NPAS4: variants seen among roughly 807,000 people sequenced by gnomAD.
The protein encoded by NPAS4 is neuronal PAS domain-containing protein 4.
In NPAS4, 10 loss-of-function variants were observed where a neutral mutation model predicts 64.0. The ratio of observed to expected loss-of-function variants is 0.16; its 90% CI spans 0.10 to 0.26. The LOEUF is 0.26. Among genes scored for constraint, NPAS4 ranks in the 10% least tolerant of loss-of-function variants. NPAS4 has a pLI of 1.00. For synonymous variants in NPAS4, 441 were observed against 411.7 expected (o/e 1.07, Z -0.86); for missense variants, 886 against 992.6 (o/e 0.89, Z 1.44).
At chr11:66,415,852 G>A in the NPAS4 span, among the ~76,000 whole-genome samples, 1 of 152,210 alleles carries the variant, frequency 6.6e-6, no homozygotes, top group Non-Finnish European at 1.5e-5. Flanking sequence ...GCTGGGTGTC[G>A]TGGCTCACAC....
In NPAS4 at chr11:66,426,146, G is replaced by GGGGC; in HGVS notation, c.*157_*158insGGGC. ...CAGGATTTTGGGGGGGGGGAGGTGG[G>GGGGC]AGGGCAAGGGAGGGGAGCTTCTTTT... On this transcript the variant is annotated 3_prime_UTR_variant, in exon 8 of 8. Transcript: ENST00000311034. 2.8e-6 allele frequency: 1 copy of GGGGC among 359,464 alleles called. No individual in the cohort carries two copies. The allele number at this position is 359,464 out of a possible 1,614,324, so 22.3% of individuals were successfully genotyped here. A position where few individuals can be genotyped will look rare whatever the true frequency, so the allele number is the denominator to read the frequency against.
intron 1 of NPAS4, 147 bp downstream of exon 1, chr11:66,421,501 C>G: frequency 1.5e-6 from 1 of 674,296 alleles, no homozygotes. Context: ...GGACTTTCTA[C>G]TTTTCCTCCT....
chr11:66,423,030 GT>G lies in NPAS4; in HGVS notation c.699-90del. 2.0e-6 allele frequency: 3 copies of G among 1,524,274 alleles called. No homozygotes were observed. The South Asian group carries it at 3.5e-5, about 18-fold the overall frequency. 94.4% of individuals were successfully genotyped at this position (1,524,274 alleles called of 1,614,324 possible). A position where few individuals can be genotyped will look rare whatever the true frequency, so the allele number is the denominator to read the frequency against. ...TGGAGTCAGGGGCAGGGAGGATGGG[GT>G]TTAGGGGGGCAGAGGATCTGGGAGG... On this transcript the variant is annotated intron_variant, in intron 4 of 7. Transcript: ENST00000311034.
intron 7 of NPAS4, among the ~76,000 whole-genome samples, chr11:66,425,742 A>T (rs1856830651): frequency 6.6e-6 from 1 of 152,178 alleles, no homozygotes; most frequent in Admixed American, 6.6e-5. Context: ...GACTCCATTG[A>T]GGTAGCTCCC....
At chr11:66,422,030 T>A (rs1856752150) in intron 1 of NPAS4, 90 bp from the exon 2 acceptor site, 2 of 1,212,738 alleles carry the variant, frequency 1.6e-6, no homozygotes, top group East Asian at 4.7e-5. Context: ...GAAATTCCTC[T>A]GGATTCTCTG....
chr11:66,417,480 C>T (rs545962923), upstream of NPAS4, among the ~76,000 whole-genome samples: 89 of 152,236 alleles, frequency 5.8e-4, 1 homozygote, highest in African/African-American at 2.1e-3. Context: ...GGGCTCCTTT[C>T]CTCCATGTTT....
rs1325113285 is a variant in NPAS4 at position 66,422,732 on chromosome 11, C to A, written c.489C>A (p.Gly163=). 2.5e-6 allele frequency: 4 copies of A among 1,614,084 alleles called. No individual in the cohort carries two copies. In the South Asian group the frequency reaches 4.4e-5, roughly 18 times the overall value. ...AGTCCCTCAGGCGCCAGAGTGCAGG[C>A]AACAAACTCGTGCTTATTCGAGGCC... ...TSKSLRRQSA[G]NKLVLIRGRF... Residue 163 remains glycine (G), a synonymous_variant, in exon 4 of 8, where the codon GGC becomes GGA. Transcript: ENST00000311034.
chr11:66,423,003 T>C, intron 4 of NPAS4, 62 bp downstream of exon 4: 22 of 1,573,470 alleles, frequency 1.4e-5, no homozygotes, highest in Non-Finnish European at 1.9e-5. Context: ...GACCCTAGAT[T>C]CTGGAGTCAG....
chr11:66,421,480 C>CG, intron 1 of NPAS4, 126 bp downstream of exon 1: 1 of 750,920 alleles, frequency 1.3e-6, no homozygotes, highest in Non-Finnish European at 2.2e-6. Flanking sequence ...ATTCGGGACT[C>CG]GGGAGATTCG....
chr11:66,422,380 A>G, intron 2 of NPAS4, 71 bp from the exon 3 acceptor site: 1 of 1,478,688 alleles, frequency 6.8e-7, no homozygotes, highest in South Asian at 1.1e-5. Flanking sequence ...TATACCCTAC[A>G]AGATACTGTA....
chr11:66,414,114 C>T, the NPAS4 span, among the ~76,000 whole-genome samples: 13 of 152,198 alleles, frequency 8.5e-5, no homozygotes, highest in South Asian at 1.2e-3. Flanking sequence ...GTGCAGAGTG[C>T]GGTGACGAGG....
At chr11:66,411,879 T>C in the NPAS4 span, among the ~76,000 whole-genome samples, 1 of 152,206 alleles carries the variant, frequency 6.6e-6, no homozygotes, top group African/African-American at 2.4e-5. Context: ...GACTGTTCCC[T>C]GTAGATTTCC....
rs1315695865 is a variant in NPAS4 at position 66,422,916 on chromosome 11, C to A, written c.673C>A (p.Leu225Met). 2 of 1,606,440 alleles carry A rather than the reference C, an allele frequency of 1.2e-6. No individual in the cohort carries two copies. Among genetic ancestry groups the A allele is most frequent in the Non-Finnish European group, 1.7e-6 (2 of 1,179,980 alleles). Residue 225 changes from leucine to methionine, a missense_variant, in exon 4 of 8, where the codon CTG (leucine) becomes ATG (methionine). This residue lies in a region of NPAS4 where 820 missense variants were observed against 855.5 expected (regional missense o/e 0.96). Coordinates refer to ENST00000311034, the MANE Select transcript of NPAS4 (RefSeq NM_178864.4). ...AMFQSRHAKD[L>M]ALLDISESVL... ...GTTCCAGAGCCGCCATGCTAAAGAC[C>A]TGGCTCTACTGGACATCTCCGAGAG...
chr11:66,422,771 C>T lies in NPAS4; in HGVS notation c.528C>T (p.His176=), dbSNP rs756009378. Residue 176 remains histidine, a synonymous_variant, in exon 4 of 8, where the codon CAC becomes CAT. Coordinates refer to ENST00000311034, the MANE Select transcript of NPAS4 (RefSeq NM_178864.4). Reference sequence around the variant, plus strand: ...TTATTCGAGGCCGATTCCATGCTCACCCACCTGGAGCCTACTGGGCAGGAA... The same window carrying T: ...TTATTCGAGGCCGATTCCATGCTCATCCACCTGGAGCCTACTGGGCAGGAA... ...LVLIRGRFHA[H]PPGAYWAGNP... The T allele has an allele frequency of 3.1e-6, 5 of 1,614,100 alleles. No homozygotes were observed. Among genetic ancestry groups the T allele is most frequent in the East Asian group, 4.5e-5 (2 of 44,882 alleles).
chr11:66,415,898 G>A, the NPAS4 span, among the ~76,000 whole-genome samples: 1 of 152,196 alleles, frequency 6.6e-6, no homozygotes, highest in South Asian at 2.1e-4. Flanking sequence ...CAAGGTGGGA[G>A]GATTGCTTGA....
In NPAS4 at chr11:66,423,937, C is replaced by T; in HGVS notation, c.1047C>T (p.Asn349=). 1 of 1,614,106 alleles carries T rather than the reference C, an allele frequency of 6.2e-7. No homozygotes were observed. Among genetic ancestry groups the T allele is most frequent in the Non-Finnish European group, 8.5e-7 (1 of 1,179,974 alleles). ...CCATGCTGCCCTCATTCCCTGAAAA[C>T]ATTCTTTCCCAGGAAGAGTGCTCCA... ...TPTMLPSFPE[N]ILSQEECSST... is the part of the protein sequence containing the mutation. Residue 349 remains asparagine, a synonymous_variant, in exon 7 of 8, where the codon AAC becomes AAT. Transcript: ENST00000311034.
Position 66,423,563 on chromosome 11 carries a change from C to A in NPAS4, c.809-15C>A. ...CCTGGTGGACATCCTAACTCTGCAT[C>A]TTCTTTCTCCCCAGTGGCTGAGAGT... On this transcript the variant is annotated splice_polypyrimidine_tract_variant and intron_variant, in intron 5 of 7. Coordinates refer to ENST00000311034, the MANE Select transcript of NPAS4 (RefSeq NM_178864.4). 1 of 1,613,764 alleles carries A rather than the reference C, an allele frequency of 6.2e-7. No individual in the cohort carries two copies. Among genetic ancestry groups the A allele is most frequent in the Middle Eastern group, 1.7e-4 (1 of 5,842 alleles).
At chr11:66,425,330 A>T in intron 7 of NPAS4, 60 bp downstream of exon 7, 1 of 984,042 alleles carries the variant, frequency 1.0e-6, no homozygotes. Flanking sequence ...AATGCTGGGT[A>T]GATTTAGGCA....
the NPAS4 span, among the ~76,000 whole-genome samples, chr11:66,415,267 T>C: frequency 2.6e-5 from 4 of 152,148 alleles, no homozygotes; most frequent in African/African-American, 4.8e-5. Context: ...GCCTGACCCA[T>C]TGGGCTTCCC....
Sources: gnomAD v4.1 joint callset for allele counts (sites outside exome capture counted in the v4.1 genomes callset) on GRCh38, gnomAD v4.1.1 for gene constraint, gnomAD v4.1.1 regional missense constraint, MANE v1.5 for transcripts, NCBI Gene and HGNC (gene_info 2026-07-23, HGNC 2026-07-21) for gene names.